Variants in RRP12 observed in about 807,000 individuals in gnomAD.
The protein encoded by RRP12 is ribosomal RNA processing 12 homolog.
RRP12 carries 78 observed loss-of-function variants against 157.3 expected under a neutral mutation model. That is an observed-to-expected ratio of 0.50 (90% CI 0.41 to 0.60). The LOEUF is 0.60. Among genes scored for constraint, RRP12 ranks in the 20% least tolerant of loss-of-function variants. RRP12 has a pLI of 0.00. For missense variants in RRP12, 1,521 were observed against 1,679.9 expected (o/e 0.91, Z 1.65); for synonymous variants, 726 against 670.9 (o/e 1.08, Z -1.27).
chr10:97,388,256 T>C lies in RRP12; in HGVS notation c.1013A>G (p.His338Arg), dbSNP rs1844693689. The C allele has an allele frequency of 1.2e-6, 2 of 1,613,950 alleles. No homozygotes were observed. Among genetic ancestry groups the C allele is most frequent in the Non-Finnish European group, 1.7e-6 (2 of 1,180,010 alleles). Residue 338 changes from histidine to arginine, a missense_variant, in exon 8 of 34, where the codon CAT becomes CGT. Transcript: ENST00000370992. Reference protein sequence around the residue: ...ETLLRVMTLSHVLVTACAMQA... With the variant: ...ETLLRVMTLSRVLVTACAMQA... ...AGCTTTTGGGCCTGAGCTCACCACA[T>C]GGCTCAAGGTCATGACCCTGAGGAG...
intron 15 of RRP12, among the ~76,000 whole-genome samples, chr10:97,374,322 A>C (rs1261582588): frequency 6.6e-6 from 1 of 152,068 alleles, no homozygotes; most frequent in East Asian, 1.9e-4. Context: ...CGTGCATGCC[A>C]CCACACCCAC....
chr10:97,359,632 C>T (rs376234078), intron 31 of RRP12, among the ~76,000 whole-genome samples: 3 of 152,328 alleles, frequency 2.0e-5, no homozygotes, highest in Admixed American at 1.3e-4. Context: ...CTCTCTGAGA[C>T]GACCAACACG....
intron 29 of RRP12, 155 bp downstream of exon 29, chr10:97,365,953 T>C (rs555561372): frequency 2.2e-5 from 20 of 913,870 alleles, no homozygotes; most frequent in Non-Finnish European, 3.3e-5. Context: ...GATTTCTTAA[T>C]GTTTCTCAAA....
chr10:97,366,544 C>T lies in RRP12; in HGVS notation c.3293G>A (p.Arg1098Gln), dbSNP rs138362675. 167 of 1,614,132 alleles carry T rather than the reference C, an allele frequency of 1.0e-4. 1 individual carries two copies. In the South Asian group the frequency reaches 1.6e-3, roughly 16 times the overall value. The stretch of plus-strand genomic sequence containing the variant: ...CCGGCTCCTCTGTCGTGCCAGCTTC[C>T]GCTGCTCCTTGCCTCGGCTTCTTTC... ...EEERSRGKEQ[R>Q]KLARQRSRAW... is the part of the protein sequence containing the mutation. The change falls in exon 28 of 34, where the codon CGG becomes CAG. Residue 1098 changes from arginine to glutamine, a missense_variant. Transcript: ENST00000370992.
chr10:97,399,912 T>C (rs915461153), intron 2 of RRP12, among the ~76,000 whole-genome samples: 1 of 152,050 alleles, frequency 6.6e-6, no homozygotes, highest in African/African-American at 2.4e-5. Context: ...AACGAGACTC[T>C]GTCTCAAAAT....
chr10:97,396,989 T>C (rs1382981154), intron 2 of RRP12, among the ~76,000 whole-genome samples: 1 of 152,146 alleles, frequency 6.6e-6, no homozygotes, highest in Non-Finnish European at 1.5e-5. Flanking sequence ...GGTTTTGAAC[T>C]CCTGGCCTCA....
In RRP12 at chr10:97,381,503, G is replaced by A. The variant is rs1301823836; in HGVS notation, c.1321-20C>T. On this transcript the variant is annotated intron_variant, in intron 11 of 33. Transcript: ENST00000370992. The stretch of plus-strand genomic sequence containing the variant: ...GATCTCCTGCGAAGAGAGGCCACAG[G>A]CTTTCTGGGCCCAAGGCAGCCCCCC... The A allele has an allele frequency of 1.8e-5, 29 of 1,582,490 alleles. No individual in the cohort carries two copies. The highest frequency in any genetic ancestry group is 2.3e-5 in the Non-Finnish European group (27 of 1,160,646).
At chr10:97,372,831 G>C (rs148517399) in intron 18 of RRP12, 28 bp from the exon 19 acceptor site, 2 of 1,549,760 alleles carry the variant, frequency 1.3e-6, no homozygotes, top group African/African-American at 2.8e-5. Flanking sequence ...ATGAGGAGAA[G>C]AGAGTCATTG....
chr10:97,374,202 C>G (rs906214992), intron 15 of RRP12, among the ~76,000 whole-genome samples: 3 of 152,150 alleles, frequency 2.0e-5, no homozygotes, highest in Non-Finnish European at 4.4e-5. Flanking sequence ...CAGGGTCTCA[C>G]TTTGTGGCCT....
chr10:97,360,655 G>A (rs1487067817), intron 30 of RRP12, 37 bp from the exon 31 acceptor site: 1 of 1,531,152 alleles, frequency 6.5e-7, no homozygotes, highest in Non-Finnish European at 9.1e-7. Context: ...GAGTGAACCA[G>A]GGGATGTGCC....
In RRP12 at chr10:97,397,988, A is replaced by AATACATATAT. The variant is rs1302237697; in HGVS notation, c.370-1688_370-1687insATATATGTAT. 7.5e-4 allele frequency among the ~76,000 whole-genome samples: 68 copies of AATACATATAT among 90,808 alleles called. 3 individuals carry two copies. The highest frequency in any genetic ancestry group is 1.4e-3 in the African/African-American group (30 of 21,178). 59.6% of individuals were successfully genotyped at this position (90,808 alleles called of 152,430 possible). A position where few individuals can be genotyped will look rare whatever the true frequency, so the allele number is the denominator to read the frequency against. On this transcript the variant is annotated intron_variant, in intron 2 of 33. Coordinates refer to ENST00000370992, the MANE Select transcript of RRP12 (RefSeq NM_015179.4). Reference sequence around the variant, plus strand: ...TAAATAACAAAATTGGGTAAAAAAAAATACGTATATATATATACATATATA... The same window carrying AATACATATAT: ...TAAATAACAAAATTGGGTAAAAAAAAATACATATATATACGTATATATATATACATATATA...
At chr10:97,395,544 T>C (rs1021785253) in intron 3 of RRP12, among the ~76,000 whole-genome samples, 4 of 140,804 alleles carry the variant, frequency 2.8e-5, no homozygotes, top group African/African-American at 1.1e-4. Context: ...GGAGTGAGAC[T>C]CTGTTTCAAA....
intron 9 of RRP12, among the ~76,000 whole-genome samples, chr10:97,385,531 A>G (rs1336394734): frequency 3.6e-5 from 3 of 82,720 alleles, no homozygotes; most frequent in African/African-American, 7.7e-5. Flanking sequence ...GCCTTCTTTG[A>G]AAAAAAAAAA....
intron 3 of RRP12, among the ~76,000 whole-genome samples, chr10:97,395,322 A>T (rs11189196): frequency 2.0e-5 from 3 of 151,280 alleles, no homozygotes; most frequent in African/African-American, 7.3e-5. Context: ...AGGCTGAGGT[A>T]GGGGGGATCA....
In RRP12 at chr10:97,386,758, AG is replaced by A. The variant is rs201247346; in HGVS notation, c.1018-766del. ...GTAATCCCAGCACTTTGGGAGGCCG[AG>A]GTGAGTGGATCACGAGGCCAGGAGA... On this transcript the variant is annotated intron_variant, in intron 8 of 33. Transcript: ENST00000370992. Among the ~76,000 whole-genome samples, 1,161 of 152,290 alleles carry A rather than the reference AG, an allele frequency of 7.6e-3. 15 individuals carry two copies. The highest frequency in any genetic ancestry group is 0.026 in the African/African-American group (1,078 of 41,552).
rs116818150 is a variant in RRP12, at chr10:97,360,576, C to T, written c.3610G>A (p.Glu1204Lys). The T allele has an allele frequency of 6.2e-6, 10 of 1,614,028 alleles. No individual in the cohort carries two copies. The African/African-American group carries it at 1.1e-4, about 17-fold the overall frequency. Residue 1204 changes from glutamate to lysine, a missense_variant, in exon 31 of 34, where the codon GAG becomes AAG. Coordinates refer to ENST00000370992, the MANE Select transcript of RRP12 (RefSeq NM_015179.4). ...KLKHQKEAEE[E>K]ELEIPPQYQA... ...TACTGAGGGGGTATCTCCAGCTCCT[C>T]CTCCTCAGCCTCTTTCTGGTGCTTG...
intron 25 of RRP12, 79 bp from the exon 26 acceptor site, chr10:97,367,211 C>T (rs1224598524): frequency 7.2e-6 from 9 of 1,257,930 alleles, no homozygotes; most frequent in Admixed American, 1.8e-5. Context: ...AGCCCAGGGA[C>T]GCAGCATGAT....
At chr10:97,387,335 CTTT>C (rs34534343) in intron 8 of RRP12, among the ~76,000 whole-genome samples, 3 of 137,898 alleles carry the variant, frequency 2.2e-5, no homozygotes, top group East Asian at 2.1e-4. Flanking sequence ...TTTCTTTTTC[CTTT>C]TTTTTTTTTT....
rs1224844752 is a variant in RRP12, at chr10:97,356,868, A to G, written c.*226T>C. On this transcript the variant is annotated 3_prime_UTR_variant, in exon 34 of 34. Transcript: ENST00000370992. ...AAGGTGCCTCATGGCACCTACTCAGAGGCACTGAGGCCACATTCCCATCTC... is the reference window on the plus strand; with the variant it reads ...AAGGTGCCTCATGGCACCTACTCAGGGGCACTGAGGCCACATTCCCATCTC... 5 of 476,154 alleles carry G rather than the reference A, an allele frequency of 1.1e-5. No individual in the cohort carries two copies. Among genetic ancestry groups the G allele is most frequent in the Non-Finnish European group, 1.8e-5 (5 of 270,572 alleles). 29.5% of individuals were successfully genotyped at this position (476,154 alleles called of 1,614,324 possible).
Sources: allele counts gnomAD v4.1 joint callset (sites outside exome capture counted in the v4.1 genomes callset), GRCh38; gene constraint gnomAD v4.1.1; transcripts MANE v1.5; gene names NCBI Gene and HGNC (gene_info 2026-07-23, HGNC 2026-07-21).